COL1A2: variants seen among roughly 807,000 people sequenced by gnomAD.
COL1A2 encodes collagen type I alpha 2 chain.
COL1A2 carries 49 observed loss-of-function variants against 174.3 expected under a neutral mutation model. The observed-to-expected ratio is 0.28, with a 90% confidence interval of 0.22 to 0.36. The LOEUF is 0.36. Among genes scored for constraint, COL1A2 ranks in the 10% least tolerant of loss-of-function variants. The probability of loss-of-function intolerance (pLI) is 1.00; values close to 1 mark genes in which losing one functional copy is unlikely to be tolerated. For missense variants in COL1A2, 1,438 were observed against 1,822.7 expected, an observed-to-expected ratio of 0.79 and a Z score of 3.84; for synonymous variants, 655 against 606.6, an observed-to-expected ratio of 1.08 and a Z score of -1.17.
In COL1A2 at chr7:94,409,767, C is replaced by T. The variant is rs141762645; in HGVS notation, c.981C>T (p.Arg327=). The change falls in exon 19 of 52, where the codon CGC becomes CGT. Residue 327 remains arginine (R), a synonymous_variant. Transcript: ENST00000297268. Reference sequence around the variant, plus strand: ...GGGCTCCCGGCCTCCCTGGACCCCGCGGTATTCCTGGCCCTGTTGGTGCTG... The same window carrying T: ...GGGCTCCCGGCCTCCCTGGACCCCGTGGTATTCCTGGCCCTGTTGGTGCTG... ...VAGAPGLPGP[R]GIPGPVGAAG... 2.1e-4 allele frequency: 339 copies of T among 1,614,130 alleles called. 2 individuals carry two copies. The highest frequency in any genetic ancestry group is 1.3e-3 in the South Asian group (116 of 91,078).
rs144837722 is a variant in COL1A2, at chr7:94,421,026, C to G, written c.2313C>G (p.Pro771=). 4.5e-5 allele frequency: 72 copies of G among 1,613,946 alleles called. No individual in the cohort carries two copies. The highest frequency in any genetic ancestry group is 5.8e-5 in the Non-Finnish European group (69 of 1,180,006). ...AAGPAGPNGP[P]GPAGSRGDGG... ...GCATTTAGGGTCCAAATGGTCCCCC[C>G]GGTCCTGCTGGAAGTCGTGGTGATG... Residue 771 remains proline (P), a synonymous_variant, in exon 38 of 52, where the codon CCC becomes CCG. Transcript: ENST00000297268.
rs1792128553 is a variant in COL1A2, at chr7:94,420,226, A to C, written c.2080-7A>C. On this transcript the variant is annotated splice_region_variant and splice_polypyrimidine_tract_variant and intron_variant, in intron 34 of 51. Transcript: ENST00000297268. ...CATTAACAGATTCATCTTTGGTCCC[A>C]TTATAGGGCGAAGCTGGGGCTGCTG... 1 of 1,613,150 alleles carries C rather than the reference A, an allele frequency of 6.2e-7. No individual in the cohort carries two copies. Among genetic ancestry groups the C allele is most frequent in the Non-Finnish European group, 8.5e-7 (1 of 1,180,020 alleles).
At chr7:94,398,915 T>A in intron 3 of COL1A2, 134 bp from the exon 4 acceptor site, 1 of 859,704 alleles carries the variant, frequency 1.2e-6, no homozygotes, top group Non-Finnish European at 1.9e-6. Context: ...ATTGTGTCAA[T>A]TTTTTATATG....
intron 31 of COL1A2, 178 bp downstream of exon 31, chr7:94,416,681 A>C: frequency 1.7e-6 from 1 of 601,838 alleles, no homozygotes; most frequent in African/African-American, 1.8e-5. Flanking sequence ...CTAAACAAAC[A>C]AACAATAGCA....
intron 41 of COL1A2, 88 bp downstream of exon 41, chr7:94,424,531 T>A: frequency 8.6e-7 from 1 of 1,164,392 alleles, no homozygotes; most frequent in Non-Finnish European, 1.3e-6. Context: ...GATCACTGAA[T>A]AACTTCACTT....
chr7:94,426,700 A>G (rs752883937), intron 46 of COL1A2, 170 bp downstream of exon 46: 1 of 695,976 alleles, frequency 1.4e-6, no homozygotes, highest in Non-Finnish European at 2.6e-6. Context: ...TCATACCAAC[A>G]TGAAAGGTGA....
intron 14 of COL1A2, 23 bp from the exon 15 acceptor site, chr7:94,408,313 T>C: frequency 1.2e-6 from 2 of 1,614,064 alleles, no homozygotes; most frequent in Non-Finnish European, 1.7e-6. Context: ...TTCCACCTGA[T>C]CTTCCCTTTA....
intron 31 of COL1A2, 139 bp downstream of exon 31, chr7:94,416,642 C>A: frequency 2.9e-6 from 2 of 689,934 alleles, no homozygotes; most frequent in Non-Finnish European, 2.5e-6. Context: ...CAGTAAACAG[C>A]AATCCGATTC....
At chr7:94,423,658 G>A (rs1303341136) in intron 40 of COL1A2, 5 of 166,782 alleles carry the variant, frequency 3.0e-5, no homozygotes, top group East Asian at 1.7e-4. Context: ...GCAGTGGCAC[G>A]ATCTCAGCTC....
chr7:94,402,566 G>A (rs1049497439), intron 6 of COL1A2, among the ~76,000 whole-genome samples: 1 of 151,992 alleles, frequency 6.6e-6, no homozygotes, highest in African/African-American at 2.4e-5. Context: ...ACAAGCATTA[G>A]AGAGAAGTTT....
At chr7:94,421,090 C>T (rs774428414) in intron 38 of COL1A2, 28 bp downstream of exon 38, 2 of 1,612,908 alleles carry the variant, frequency 1.2e-6, no homozygotes, top group Admixed American at 3.3e-5. Context: ...ACTCTCGCCG[C>T]TTTTCTTTTT....
intron 42 of COL1A2, 155 bp downstream of exon 42, chr7:94,425,379 G>A: frequency 1.2e-6 from 1 of 852,718 alleles, no homozygotes; most frequent in South Asian, 1.6e-5. Context: ...TATGAAAATT[G>A]CTTAGGCCAA....
chr7:94,406,282 GC>G lies in COL1A2; in HGVS notation c.576del (p.Gly193ValfsTer5). On this transcript the variant is annotated frameshift_variant, in exon 12 of 52. Coordinates refer to ENST00000297268, the MANE Select transcript of COL1A2 (RefSeq NM_000089.4). LOFTEE classifies it high-confidence loss of function. ...HNGLDGLKGQ[P>X]GAPGVKGEPG... ...ATGGTCTGGATGGATTGAAGGGACA[GC>G]CCGGTGCTCCTGGTGTGAAGGTAAA... 6.2e-7 allele frequency: 1 copy of G among 1,614,012 alleles called. No individual in the cohort carries two copies. Among genetic ancestry groups the G allele is most frequent in the Non-Finnish European group, 8.5e-7 (1 of 1,179,900 alleles).
At chr7:94,401,725 A>G (rs1306360480) in intron 6 of COL1A2, 105 bp downstream of exon 6, 14 of 694,148 alleles carry the variant, frequency 2.0e-5, no homozygotes, top group Non-Finnish European at 3.2e-5. Context: ...TTAACACTCA[A>G]TACTTAGATT....
At chr7:94,403,695 G>A (rs1791736050) in intron 6 of COL1A2, among the ~76,000 whole-genome samples, 1 of 152,110 alleles carries the variant, frequency 6.6e-6, no homozygotes, top group Non-Finnish European at 1.5e-5. Context: ...AGGTTTGACT[G>A]CAGAGTCCCC....
chr7:94,410,760 G>A, intron 21 of COL1A2, 129 bp from the exon 22 acceptor site: 1 of 1,064,170 alleles, frequency 9.4e-7, no homozygotes, highest in South Asian at 1.3e-5. Flanking sequence ...TAGGGGTTGG[G>A]TGAAGTGTTT....
At chr7:94,417,605 G>A (rs113004663) in intron 31 of COL1A2, 119 bp from the exon 32 acceptor site, 42 of 829,392 alleles carry the variant, frequency 5.1e-5, no homozygotes, top group African/African-American at 4.0e-4. Flanking sequence ...CCTTCTTTGT[G>A]TTTCAAAGCA....
chr7:94,413,283 T>G, intron 26 of COL1A2, 147 bp downstream of exon 26: 1 of 818,658 alleles, frequency 1.2e-6, no homozygotes, highest in Non-Finnish European at 2.1e-6. Flanking sequence ...AATGCCTTTT[T>G]AAAAACCAAA....
In COL1A2 at chr7:94,405,033, A is replaced by C. The variant is rs934219398; in HGVS notation, c.432+141A>C. 8 of 1,148,208 alleles carry C rather than the reference A, an allele frequency of 7.0e-6. No homozygotes were observed. The African/African-American group carries it at 1.2e-4, about 18-fold the overall frequency. The allele number at this position is 1,148,208 out of a possible 1,614,324, so 71.1% of individuals were successfully genotyped here. A position where few individuals can be genotyped will look rare whatever the true frequency, so the allele number is the denominator to read the frequency against. ...CTTAATGTATGGGAAATATTATTTT[A>C]ATGAAATATTAACTAACCTACTTGT... On this transcript the variant is annotated intron_variant, in intron 9 of 51. Coordinates refer to ENST00000297268, the MANE Select transcript of COL1A2 (RefSeq NM_000089.4).
Sources: gnomAD v4.1 joint callset for allele counts (sites outside exome capture counted in the v4.1 genomes callset) on GRCh38, gnomAD v4.1.1 for gene constraint, MANE v1.5 for transcripts, NCBI Gene and HGNC (gene_info 2026-07-23, HGNC 2026-07-21) for gene names.